Variants in LRRTM4 observed in about 807,000 individuals in gnomAD.
The protein encoded by LRRTM4 is leucine-rich repeat transmembrane neuronal protein 4.
Under a neutral mutation model 47.6 loss-of-function variants are expected in LRRTM4, and 25 were observed. That is an observed-to-expected ratio of 0.53 (90% CI 0.38 to 0.73). The LOEUF (loss-of-function observed/expected upper bound fraction) is 0.73, where lower values mean the gene tolerates loss of function less well. Among genes scored for constraint, LRRTM4 ranks in the 30% least tolerant of loss-of-function variants. The pLI, the probability that LRRTM4 is intolerant of heterozygous loss-of-function variation, is 0.00. For missense variants in LRRTM4, 638 were observed against 713.4 expected (o/e 0.89, Z 1.20); for synonymous variants, 311 against 269.5 (o/e 1.15, Z -1.51).
chr2:76,803,890 G>A (rs1675831171), intron 3 of LRRTM4, among the ~76,000 whole-genome samples: 1 of 152,160 alleles, frequency 6.6e-6, no homozygotes, highest in Admixed American at 6.6e-5. Flanking sequence ...ATTTGAATAT[G>A]TGCTGGATAG....
Position 76,893,044 on chromosome 2 carries a change from A to C in LRRTM4, c.1552-144128T>G, listed in dbSNP as rs187545338. 1.8e-3 allele frequency among the ~76,000 whole-genome samples: 248 copies of C among 141,604 alleles called. 1 individual carries two copies. The highest frequency in any genetic ancestry group is 6.4e-3 in the African/African-American group (244 of 37,994). 92.9% of individuals were successfully genotyped at this position (141,604 alleles called of 152,430 possible). A position where few individuals can be genotyped will look rare whatever the true frequency, so the allele number is the denominator to read the frequency against. The stretch of plus-strand genomic sequence containing the variant: ...CAGAGAAACAATCATAATCATTGTC[A>C]GCAGAAAACAAGCAAAAAAAAAAAA... On this transcript the variant is annotated intron_variant, in intron 3 of 3. Coordinates refer to ENST00000409884, the MANE Select transcript of LRRTM4 (RefSeq NM_001134745.3).
chr2:77,522,000 G>C, intron 1 of LRRTM4, 109 bp downstream of exon 1: 2 of 685,882 alleles, frequency 2.9e-6, no homozygotes. Context: ...TAATTCACCA[G>C]AGACCCATCA....
At chr2:77,118,470 G>C (rs1248797194) in intron 3 of LRRTM4, among the ~76,000 whole-genome samples, 1 of 151,896 alleles carries the variant, frequency 6.6e-6, no homozygotes, top group East Asian at 1.9e-4. Context: ...GTTTCTTTCA[G>C]TCATGCTTGC....
At chr2:76,916,996 C>G (rs1423332028) in intron 3 of LRRTM4, among the ~76,000 whole-genome samples, 1 of 152,102 alleles carries the variant, frequency 6.6e-6, no homozygotes, top group Non-Finnish European at 1.5e-5. Flanking sequence ...AGATTTGTGT[C>G]CATATTATTT....
intron 3 of LRRTM4, among the ~76,000 whole-genome samples, chr2:77,338,691 T>A (rs527553657): frequency 6.6e-6 from 1 of 152,140 alleles, no homozygotes; most frequent in South Asian, 2.1e-4. Context: ...AGCAGTTTGG[T>A]GATTTCTCAA....
intron 3 of LRRTM4, among the ~76,000 whole-genome samples, chr2:77,049,157 T>TATATATATATATACACAC (rs1351971551): frequency 5.6e-5 from 6 of 106,350 alleles, no homozygotes; most frequent in South Asian, 3.0e-4. Context: ...TATATATATA[T>TATATATATATATACACAC]ACACACACAC....
chr2:77,003,999 T>C (rs1397403337), intron 3 of LRRTM4, among the ~76,000 whole-genome samples: 1 of 152,192 alleles, frequency 6.6e-6, no homozygotes, highest in Non-Finnish European at 1.5e-5. Flanking sequence ...TTTGCCACTG[T>C]CCTAAAGATC....
At chr2:77,484,302 A>G (rs7577298) in intron 3 of LRRTM4, among the ~76,000 whole-genome samples, 2,703 of 152,290 alleles carry the variant, frequency 0.018, 86 homozygotes, top group African/African-American at 0.061. Flanking sequence ...TGTATCTGAT[A>G]TATTCAATAT....
At chr2:77,025,526 C>G (rs955467949) in intron 3 of LRRTM4, among the ~76,000 whole-genome samples, 2 of 152,142 alleles carry the variant, frequency 1.3e-5, no homozygotes, top group Non-Finnish European at 2.9e-5. Context: ...TCAGTCTTCT[C>G]TCTCTTATTA....
intron 3 of LRRTM4, among the ~76,000 whole-genome samples, chr2:77,196,313 G>A (rs563469370): frequency 6.2e-4 from 94 of 152,190 alleles, no homozygotes; most frequent in Middle Eastern, 3.4e-3. Flanking sequence ...ATTTATTCAC[G>A]TTGAGTACAT....
intron 3 of LRRTM4, among the ~76,000 whole-genome samples, chr2:77,425,859 T>C (rs1454657774): frequency 6.6e-6 from 1 of 151,992 alleles, no homozygotes; most frequent in Non-Finnish European, 1.5e-5. Flanking sequence ...CTCACACCTG[T>C]AATCCTAGCA....
At chr2:77,139,918 G>A (rs1413329640) in intron 3 of LRRTM4, among the ~76,000 whole-genome samples, 2 of 152,008 alleles carry the variant, frequency 1.3e-5, no homozygotes, top group Non-Finnish European at 1.5e-5. Flanking sequence ...AACTTACAAG[G>A]GATGTGAAGG....
chr2:77,445,856 C>T (rs1047792827), intron 3 of LRRTM4, among the ~76,000 whole-genome samples: 6 of 151,922 alleles, frequency 3.9e-5, no homozygotes, highest in Non-Finnish European at 7.4e-5. Flanking sequence ...ATCTGATGGG[C>T]TTTCGTGAGA....
intron 3 of LRRTM4, among the ~76,000 whole-genome samples, chr2:76,955,705 A>G (rs770415665): frequency 5.3e-5 from 8 of 151,736 alleles, no homozygotes; most frequent in Non-Finnish European, 8.8e-5. Context: ...CCACCTAAAA[A>G]CAGAAGAAGA....
At chr2:77,279,822 A>G (rs1197861945) in intron 3 of LRRTM4, among the ~76,000 whole-genome samples, 1 of 152,014 alleles carries the variant, frequency 6.6e-6, no homozygotes, top group Non-Finnish European at 1.5e-5. Context: ...GAGAGGCAGG[A>G]CATATTTAAC....
At chr2:77,030,859 A>G (rs1678627822) in intron 3 of LRRTM4, among the ~76,000 whole-genome samples, 1 of 152,208 alleles carries the variant, frequency 6.6e-6, no homozygotes, top group Admixed American at 6.5e-5. Context: ...TTTTGGCAAT[A>G]TTTTGAAGTA....
chr2:77,477,684 A>C (rs1038785181), intron 3 of LRRTM4, among the ~76,000 whole-genome samples: 5 of 151,742 alleles, frequency 3.3e-5, no homozygotes, highest in African/African-American at 1.2e-4. Flanking sequence ...TCCACTAAAA[A>C]AAAGAATAAT....
intron 3 of LRRTM4, among the ~76,000 whole-genome samples, chr2:76,840,773 C>T (rs1671651066): frequency 6.6e-6 from 1 of 152,062 alleles, no homozygotes; most frequent in Non-Finnish European, 1.5e-5. Context: ...TTACAGGAAA[C>T]AACAGGTGCT....
chr2:77,225,907 CTG>C (rs1398157308), intron 3 of LRRTM4, among the ~76,000 whole-genome samples: 3 of 151,708 alleles, frequency 2.0e-5, no homozygotes, highest in African/African-American at 7.3e-5. Flanking sequence ...ATGACATCAA[CTG>C]TTGTTTGAAA....
Sources: allele counts gnomAD v4.1 joint callset (sites outside exome capture counted in the v4.1 genomes callset), GRCh38; gene constraint gnomAD v4.1.1; transcripts MANE v1.5; gene names NCBI Gene and HGNC (gene_info 2026-07-23, HGNC 2026-07-21).